The following UNC80 variants were observed in gnomAD, a reference collection of about 807,000 sequenced individuals.
The protein encoded by UNC80 is unc-80 subunit of NALCN channel complex.
UNC80 carries 164 observed loss-of-function variants against 384.6 expected under a neutral mutation model. That is an observed-to-expected ratio of 0.43 (90% CI 0.38 to 0.49). UNC80 has a LOEUF of 0.49. Ranked by LOEUF, UNC80 falls within the 20% of genes least tolerant of loss-of-function variation. UNC80 has a pLI of 0.00. For missense variants in UNC80, 3,330 were observed against 4,143.0 expected (o/e 0.80, Z 5.39); for synonymous variants, 1,486 against 1,527.8 (o/e 0.97, Z 0.64).
chr2:209,833,862 A>G (rs948628062), intron 16 of UNC80, 140 bp from the exon 17 acceptor site: 1 of 753,010 alleles, frequency 1.3e-6, no homozygotes, highest in Non-Finnish European at 2.1e-6. Context: ...CACCAGTTTC[A>G]TCAATAGTAA....
chr2:209,830,823 C>T (rs956222279), intron 15 of UNC80, among the ~76,000 whole-genome samples: 1 of 152,138 alleles, frequency 6.6e-6, no homozygotes. Flanking sequence ...GGAGGTGGCT[C>T]TGAGGAAGAG....
chr2:209,939,394 T>A, intron 42 of UNC80, 78 bp from the exon 43 acceptor site: 1 of 1,369,694 alleles, frequency 7.3e-7, no homozygotes, highest in East Asian at 2.6e-5. Context: ...ATTAAAGGTT[T>A]TCCTTTAGTT....
At chr2:209,941,130 G>A in intron 43 of UNC80, 91 bp from the exon 44 acceptor site, 1 of 1,395,118 alleles carries the variant, frequency 7.2e-7, no homozygotes, top group Admixed American at 2.9e-5. Context: ...GGAACAAACG[G>A]AGAACAGCAG....
chr2:209,917,732 G>A lies in UNC80; in HGVS notation c.5030-45G>A, dbSNP rs555248079. On this transcript the variant is annotated intron_variant, in intron 31 of 64. Coordinates refer to ENST00000673920, the MANE Select transcript of UNC80 (RefSeq NM_001371986.1). Reference sequence around the variant, plus strand: ...ACTTCTCCCCAACCCCAGGAACTAAGCAATATTTTAAAAGCATAGCTGATG... The same window carrying A: ...ACTTCTCCCCAACCCCAGGAACTAAACAATATTTTAAAAGCATAGCTGATG... 8.3e-5 allele frequency: 128 copies of A among 1,546,514 alleles called. No individual in the cohort carries two copies. The African/African-American group carries it at 1.6e-3, about 19-fold the overall frequency.
chr2:209,823,495 C>T (rs1244623325), intron 13 of UNC80, among the ~76,000 whole-genome samples: 1 of 152,086 alleles, frequency 6.6e-6, no homozygotes, highest in South Asian at 2.1e-4. Flanking sequence ...GATTGAAATC[C>T]AGTCCAACCT....
At chr2:209,953,065 C>T (rs1272372858) in intron 47 of UNC80, among the ~76,000 whole-genome samples, 3 of 152,090 alleles carry the variant, frequency 2.0e-5, no homozygotes, top group African/African-American at 7.2e-5. Flanking sequence ...GATATCAACT[C>T]ATCACTGCTG....
At chr2:209,779,334 T>C (rs1163026983) in intron 4 of UNC80, among the ~76,000 whole-genome samples, 16 of 152,154 alleles carry the variant, frequency 1.1e-4, no homozygotes, top group Non-Finnish European at 1.5e-5. Flanking sequence ...TACACTGTTT[T>C]TTTCAACTTG....
At chr2:209,982,028 T>C (rs949855788) in intron 59 of UNC80, 151 bp from the exon 60 acceptor site, 2 of 636,508 alleles carry the variant, frequency 3.1e-6, no homozygotes, top group Admixed American at 3.9e-5. Context: ...CTAAGTTTTT[T>C]TATCTGTATG....
At chr2:209,923,246 A>G (rs780511171) in intron 35 of UNC80, among the ~76,000 whole-genome samples, 1 of 152,142 alleles carries the variant, frequency 6.6e-6, no homozygotes, top group Non-Finnish European at 1.5e-5. Flanking sequence ...TTTTAGTGTC[A>G]TATCTAAGAA....
In UNC80 at chr2:209,872,551, A is replaced by G. The variant is rs952999508; in HGVS notation, c.3628-207A>G. Among the ~76,000 whole-genome samples the G allele has an allele frequency of 6.6e-6, 1 of 152,184 alleles. No individual in the cohort carries two copies. The highest frequency in any genetic ancestry group is 1.5e-5 in the Non-Finnish European group (1 of 68,038). On this transcript the variant is annotated intron_variant, in intron 22 of 64. Coordinates refer to ENST00000673920, the MANE Select transcript of UNC80 (RefSeq NM_001371986.1). The surrounding 1 kb of genome is among the most constrained non-coding windows in gnomAD (Gnocchi z 4.1). The stretch of plus-strand genomic sequence containing the variant: ...CCTACCTAAAATGTCTAATCCTTCA[A>G]GATCCACATTTTTGGGGGGGATTTT...
intron 16 of UNC80, 137 bp downstream of exon 16, chr2:209,831,728 T>C: frequency 9.9e-7 from 1 of 1,007,972 alleles, no homozygotes; most frequent in Non-Finnish European, 1.4e-6. Flanking sequence ...TTTTCCCCGG[T>C]GTCACCAGTA....
At chr2:209,873,176 A>G (rs1453762224) in intron 23 of UNC80, among the ~76,000 whole-genome samples, 2 of 152,232 alleles carry the variant, frequency 1.3e-5, no homozygotes, top group Admixed American at 6.5e-5. Context: ...TCTGTTTTAC[A>G]GTTAAGAGAA....
rs141347943 is a variant in UNC80 at position 209,860,658 on chromosome 2, T to C, written c.3627+11035T>C. On this transcript the variant is annotated intron_variant, in intron 22 of 64. Transcript: ENST00000673920. Reference sequence around the variant, plus strand: ...TTGGGCAGTATGGCCATTTTCATGATATTGATTCTTCTTATCCATGAGGAT... The same window carrying C: ...TTGGGCAGTATGGCCATTTTCATGACATTGATTCTTCTTATCCATGAGGAT... Among the ~76,000 whole-genome samples the C allele has an allele frequency of 6.2e-3, 941 of 152,342 alleles. 11 individuals carry two copies. The highest frequency in any genetic ancestry group is 0.022 in the African/African-American group (901 of 41,576).
intron 22 of UNC80, among the ~76,000 whole-genome samples, chr2:209,868,517 A>G (rs927597893): frequency 1.2e-4 from 18 of 152,232 alleles, no homozygotes; most frequent in Non-Finnish European, 5.9e-5. Context: ...CCCCAGGCAA[A>G]ATAAAGCACA....
At chr2:209,943,565 G>A (rs1388812458) in intron 45 of UNC80, 51 bp downstream of exon 45, 31 of 1,544,970 alleles carry the variant, frequency 2.0e-5, no homozygotes, top group Non-Finnish European at 2.6e-5. Context: ...AATGAGAAAA[G>A]CAAAGGTTAT....
intron 15 of UNC80, among the ~76,000 whole-genome samples, chr2:209,830,352 A>C (rs1484160185): frequency 6.6e-6 from 1 of 152,204 alleles, no homozygotes; most frequent in African/African-American, 2.4e-5. Flanking sequence ...AAAAGACAAT[A>C]AATTAGGATG....
rs1009754672 is a variant in UNC80 at position 209,922,369 on chromosome 2, C to T, written c.5648C>T (p.Ala1883Val). The change falls in exon 35 of 65, where the codon GCC (alanine) becomes GTC (valine). Residue 1883 changes from alanine (A) to valine (V), a missense_variant. Physicochemically the swap from Ala to Val is moderately conservative, Grantham distance 64. This residue lies in a region of UNC80 where 1,049 missense variants were observed against 1,488.6 expected (regional missense o/e 0.70). Transcript: ENST00000673920. Reference sequence around the variant, plus strand: ...GGGTCAGTCTGGTCAGTGCGTTCAGCCGTCAGTGCTGAAGGTGTGTCCTCT... The same window carrying T: ...GGGTCAGTCTGGTCAGTGCGTTCAGTCGTCAGTGCTGAAGGTGTGTCCTCT... ...RRGSVWSVRSAVSAEDEEHTT... is the reference protein window; with the variant it reads ...RRGSVWSVRSVVSAEDEEHTT... 10 of 1,551,554 alleles carry T rather than the reference C, an allele frequency of 6.4e-6. No homozygotes were observed. The Middle Eastern group carries it at 6.7e-4, about 103-fold the overall frequency.
At chr2:209,873,306 T>C (rs531771881) in intron 23 of UNC80, among the ~76,000 whole-genome samples, 1 of 152,224 alleles carries the variant, frequency 6.6e-6, no homozygotes, top group African/African-American at 2.4e-5. Flanking sequence ...ATTGCTATAT[T>C]CATCAAGAAT....
chr2:209,841,424 C>T (rs537729261), intron 20 of UNC80, among the ~76,000 whole-genome samples: 4 of 152,176 alleles, frequency 2.6e-5, no homozygotes, highest in Admixed American at 2.0e-4. Flanking sequence ...AGCACAATCT[C>T]GGCTCACTGC....
Sources: gnomAD v4.1 joint callset for allele counts (sites outside exome capture counted in the v4.1 genomes callset) on GRCh38, gnomAD v4.1.1 for gene constraint, gnomAD v4.1.1 regional missense constraint, Gnocchi (gnomAD v3.1) non-coding constraint, MANE v1.5 for transcripts, NCBI Gene and HGNC (gene_info 2026-07-23, HGNC 2026-07-21) for gene names.